ABTB3: variants seen among roughly 807,000 people sequenced by gnomAD.
ABTB3 encodes the protein ankyrin repeat and BTB domain containing 3.
chr12:107,455,225 T>A, the ABTB3 span, among the ~76,000 whole-genome samples: 2 of 152,220 alleles, frequency 1.3e-5, no homozygotes, highest in African/African-American at 4.8e-5. Flanking sequence ...GGTGCCACAT[T>A]GGTGGGGATA....
At chr12:107,462,946 C>G in the ABTB3 span, among the ~76,000 whole-genome samples, 7 of 148,242 alleles carry the variant, frequency 4.7e-5, no homozygotes, top group Non-Finnish European at 5.9e-5. Flanking sequence ...TGATGACGCT[C>G]TAGTGACAGT....
chr12:107,428,684 A>G, the ABTB3 span, among the ~76,000 whole-genome samples: 3 of 152,238 alleles, frequency 2.0e-5, no homozygotes, highest in Non-Finnish European at 4.4e-5. Flanking sequence ...CTTCCAGATC[A>G]AAAACTTACA....
At chr12:107,411,142 A>C in the ABTB3 span, among the ~76,000 whole-genome samples, 93 of 152,294 alleles carry the variant, frequency 6.1e-4, no homozygotes, top group African/African-American at 2.1e-3. Context: ...TCTACTAAAA[A>C]TACAAAAAAA....
the ABTB3 span, among the ~76,000 whole-genome samples, chr12:107,359,940 T>C: frequency 6.6e-6 from 1 of 152,146 alleles, no homozygotes; most frequent in African/African-American, 2.4e-5. Flanking sequence ...TTCCCTTACT[T>C]TCCTATTTTC....
chr12:107,464,204 AGAGTGTGTGTGTGTGTGT>A, the ABTB3 span, among the ~76,000 whole-genome samples: 2 of 129,048 alleles, frequency 1.5e-5, no homozygotes, highest in African/African-American at 5.9e-5. Flanking sequence ...AAACATGTGA[AGAGTGTGTGTGTGTGTGT>A]GTGTGTGTGT....
the ABTB3 span, among the ~76,000 whole-genome samples, chr12:107,581,798 G>GC: frequency 6.6e-6 from 1 of 152,236 alleles, no homozygotes; most frequent in Non-Finnish European, 1.5e-5. Flanking sequence ...CCACTCAGGG[G>GC]CCCCCATGCG....
the ABTB3 span, among the ~76,000 whole-genome samples, chr12:107,470,006 T>TCTCTCTCTCTCTCTCTCTC: frequency 2.1e-5 from 1 of 47,222 alleles, no homozygotes; most frequent in Non-Finnish European, 3.9e-5. Context: ...CTTTCTTTCT[T>TCTCTCTCTCTCTCTCTCTC]TCTTTCTCTC....
chr12:107,442,069 C>G, the ABTB3 span, among the ~76,000 whole-genome samples: 1 of 151,740 alleles, frequency 6.6e-6, no homozygotes, highest in Non-Finnish European at 1.5e-5. Flanking sequence ...GCCCTGGAAT[C>G]AATGTTTTTT....
chr12:107,502,127 C>A, the ABTB3 span, among the ~76,000 whole-genome samples: 1 of 151,284 alleles, frequency 6.6e-6, no homozygotes. Context: ...TGCAGTGGCA[C>A]GATCTCAGCT....
the ABTB3 span, among the ~76,000 whole-genome samples, chr12:107,516,272 C>T: frequency 6.6e-6 from 1 of 151,680 alleles, no homozygotes; most frequent in East Asian, 1.9e-4. Context: ...ACTGTGTCAC[C>T]CAGGCTGGAG....
the ABTB3 span, among the ~76,000 whole-genome samples, chr12:107,539,921 C>G: frequency 1.3e-5 from 2 of 152,190 alleles, no homozygotes; most frequent in Non-Finnish European, 2.9e-5. Context: ...GCCCTTATGT[C>G]TTCCCTGTGA....
the ABTB3 span, chr12:107,650,064 G>A: frequency 9.6e-6 from 1 of 103,824 alleles, no homozygotes; most frequent in South Asian, 3.0e-4. Context: ...TGACGTCTGG[G>A]GGGTACCTGG....
chr12:107,527,583 T>C, the ABTB3 span, among the ~76,000 whole-genome samples: 2 of 115,048 alleles, frequency 1.7e-5, no homozygotes, highest in Non-Finnish European at 3.8e-5. Flanking sequence ...AGAGTTTTTG[T>C]TTTTTTTTTT....
the ABTB3 span, among the ~76,000 whole-genome samples, chr12:107,538,438 G>T: frequency 6.6e-6 from 1 of 152,202 alleles, no homozygotes; most frequent in African/African-American, 2.4e-5. Flanking sequence ...CTAGCTGTTG[G>T]TTTGCTGTCA....
the ABTB3 span, among the ~76,000 whole-genome samples, chr12:107,493,210 C>T: frequency 2.6e-5 from 4 of 152,142 alleles, no homozygotes; most frequent in Non-Finnish European, 5.9e-5. Context: ...TGCAGGGAAG[C>T]ATGGGCAAGA....
chr12:107,431,611 A>G, the ABTB3 span, among the ~76,000 whole-genome samples: 1 of 152,132 alleles, frequency 6.6e-6, no homozygotes, highest in Admixed American at 6.6e-5. Context: ...CTCTGTCCCC[A>G]CTACCCGCCC....
chr12:107,406,044 T>C, the ABTB3 span, among the ~76,000 whole-genome samples: 3 of 152,316 alleles, frequency 2.0e-5, no homozygotes, highest in East Asian at 5.8e-4. Context: ...ACTCCTGGGT[T>C]CTAGTTCTGG....
chr12:107,365,799 G>T, the ABTB3 span, among the ~76,000 whole-genome samples: 3 of 152,244 alleles, frequency 2.0e-5, no homozygotes, highest in African/African-American at 7.2e-5. Flanking sequence ...GCTGCAGTGA[G>T]TGATGCCACC....
At chr12:107,560,868 G>T in the ABTB3 span, among the ~76,000 whole-genome samples, 1 of 152,162 alleles carries the variant, frequency 6.6e-6, no homozygotes. Flanking sequence ...TTGTTTGTTT[G>T]GTGGCTGTGT....
Sources: gnomAD v4.1 joint callset for allele counts (sites outside exome capture counted in the v4.1 genomes callset) on GRCh38, gnomAD v4.1.1 for gene constraint, MANE v1.5 for transcripts, NCBI Gene and HGNC (gene_info 2026-07-23, HGNC 2026-07-21) for gene names.